The following PRKCZ variants were observed in gnomAD, a reference collection of about 807,000 sequenced individuals.
PRKCZ encodes protein kinase C zeta type.
PRKCZ carries 33 observed loss-of-function variants against 79.5 expected under a neutral mutation model. The observed-to-expected ratio is 0.41, with a 90% CI of 0.31 to 0.55. The LOEUF is 0.55. Among genes scored for constraint, PRKCZ ranks in the 20% least tolerant of loss-of-function variants. The pLI, the probability that PRKCZ is intolerant of heterozygous loss-of-function variation, is 0.19. For missense variants in PRKCZ, 578 were observed against 813.5 expected, an observed-to-expected ratio of 0.71 and a Z score of 3.52; for synonymous variants, 342 against 320.9, an observed-to-expected ratio of 1.07 and a Z score of -0.70.
intron 4 of PRKCZ, among the ~76,000 whole-genome samples, chr1:2,092,035 C>T: frequency 6.6e-6 from 1 of 151,744 alleles, no homozygotes; most frequent in East Asian, 1.9e-4. Flanking sequence ...TCCCCAGGAG[C>T]CGGTGGACGA....
intron 9 of PRKCZ, among the ~76,000 whole-genome samples, 191 bp from the exon 10 acceptor site, chr1:2,155,798 ATGGTGG>A (rs1366300864): frequency 6.6e-6 from 1 of 151,414 alleles, no homozygotes; most frequent in African/African-American, 2.4e-5. Context: ...AATGATGATG[ATGGTGG>A]TGGTGGTGGT....
intron 16 of PRKCZ, chr1:2,181,949 C>T (rs1470160066): frequency 2.3e-6 from 1 of 436,442 alleles, no homozygotes; most frequent in Non-Finnish European, 4.7e-6. Flanking sequence ...AGCCCCGGCC[C>T]CTCCCTCCGG....
At chr1:2,140,479 A>G (rs1230540282) in intron 5 of PRKCZ, among the ~76,000 whole-genome samples, 1 of 151,248 alleles carries the variant, frequency 6.6e-6, no homozygotes, top group Non-Finnish European at 1.5e-5. Flanking sequence ...ATAGTGAAAC[A>G]CTGTCTCTAC....
chr1:2,114,959 A>G (rs1000416973), intron 4 of PRKCZ, among the ~76,000 whole-genome samples: 1 of 152,248 alleles, frequency 6.6e-6, no homozygotes. Flanking sequence ...TGAAGCGTTC[A>G]ACTCCACGAG....
At chr1:2,074,263 C>T in intron 4 of PRKCZ, 1 of 1,550,460 alleles carries the variant, frequency 6.4e-7, no homozygotes, top group Non-Finnish European at 8.7e-7. Flanking sequence ...CATGCTCACC[C>T]CGAGGACGGA....
chr1:2,112,567 C>T (rs1378694479), intron 4 of PRKCZ, among the ~76,000 whole-genome samples: 2 of 152,166 alleles, frequency 1.3e-5, no homozygotes, highest in African/African-American at 4.8e-5. Context: ...GGACCCCACA[C>T]GTTTCCTCCT....
In PRKCZ at chr1:2,172,070, G is replaced by A. The variant is rs763398622; in HGVS notation, c.1077G>A (p.Glu359=). ...CCACCCCCAGGTTCTACGCGGCCGA[G>A]ATCTGCATCGCCCTCAACTTCCTGC... is the stretch of plus-strand genomic sequence containing the variant. The part of the protein sequence containing the change: ...PEEHARFYAA[E]ICIALNFLHE... Residue 359 remains glutamate, a synonymous_variant, in exon 12 of 18, where the codon GAG becomes GAA. Coordinates refer to ENST00000378567, the MANE Select transcript of PRKCZ (RefSeq NM_002744.6). The surrounding 1 kb of genome is among the most constrained non-coding windows in gnomAD (Gnocchi z 7.8). 216 of 1,610,710 alleles carry A rather than the reference G, an allele frequency of 1.3e-4. No individual in the cohort carries two copies. Among genetic ancestry groups the A allele is most frequent in the Non-Finnish European group, 1.8e-4 (214 of 1,178,488 alleles).
intron 9 of PRKCZ, among the ~76,000 whole-genome samples, chr1:2,152,320 G>A (rs1456344366): frequency 1.3e-5 from 2 of 152,094 alleles, no homozygotes; most frequent in Admixed American, 6.5e-5. Context: ...ATTACCTGAG[G>A]TCAGGAGTTC....
intron 5 of PRKCZ, among the ~76,000 whole-genome samples, chr1:2,140,428 G>A (rs1364369668): frequency 6.6e-6 from 1 of 151,754 alleles, no homozygotes; most frequent in Non-Finnish European, 1.5e-5. Context: ...CGAGGCAGGC[G>A]GAGTGCCTGA....
chr1:2,121,548 G>C lies in PRKCZ; in HGVS notation c.335-13714G>C, dbSNP rs1407653362. On this transcript the variant is annotated intron_variant, in intron 4 of 17. Coordinates refer to ENST00000378567, the MANE Select transcript of PRKCZ (RefSeq NM_002744.6). ...CATGGCAGTAGTTAGGGTTATATCA[G>C]TAGTTAGGGCTATGGCTGTAGTTAG... 1.5e-5 allele frequency among the ~76,000 whole-genome samples: 2 copies of C among 135,472 alleles called. 1 individual carries two copies. The allele number at this position is 135,472 out of a possible 152,430, so 88.9% of individuals were successfully genotyped here.
chr1:2,115,180 G>C (rs1341975279), intron 4 of PRKCZ, among the ~76,000 whole-genome samples: 1 of 152,248 alleles, frequency 6.6e-6, no homozygotes, highest in African/African-American at 2.4e-5. Flanking sequence ...TCGGGCCCCT[G>C]TGTGGGGCTT....
At chr1:2,100,482 C>T (rs555641205) in intron 4 of PRKCZ, among the ~76,000 whole-genome samples, 11 of 152,330 alleles carry the variant, frequency 7.2e-5, no homozygotes, top group South Asian at 4.1e-4. Flanking sequence ...GTCCTCTCCC[C>T]GGACGATCTC....
intron 4 of PRKCZ, among the ~76,000 whole-genome samples, chr1:2,114,638 G>T (rs773034809): frequency 6.6e-6 from 1 of 152,174 alleles, no homozygotes; most frequent in Non-Finnish European, 1.5e-5. Context: ...GCCGAGTGTG[G>T]TGGTGGACAC....
At chr1:2,170,281 C>T (rs561536570) in intron 11 of PRKCZ, among the ~76,000 whole-genome samples, 5 of 152,258 alleles carry the variant, frequency 3.3e-5, no homozygotes, top group African/African-American at 7.2e-5. Flanking sequence ...GAGCCTCCCC[C>T]GGCAGCCGCG....
intron 10 of PRKCZ, among the ~76,000 whole-genome samples, chr1:2,159,415 G>T (rs528880055): frequency 1.8e-4 from 27 of 152,348 alleles, no homozygotes; most frequent in Admixed American, 9.1e-4. Flanking sequence ...TTTTGCGTGG[G>T]CCCCTTGCTG....
intron 11 of PRKCZ, among the ~76,000 whole-genome samples, chr1:2,170,723 G>A (rs1294963218): frequency 6.6e-6 from 1 of 152,216 alleles, no homozygotes; most frequent in Non-Finnish European, 1.5e-5. Flanking sequence ...GGACTCTAGG[G>A]ACCTCATCGG....
At chr1:2,059,632 G>A (rs751051775) in intron 4 of PRKCZ, 41 bp downstream of exon 4, 1 of 1,610,768 alleles carries the variant, frequency 6.2e-7, no homozygotes, top group South Asian at 1.1e-5. Flanking sequence ...GCATGTTACG[G>A]GGTTGAACTG....
At chr1:2,065,142 G>A (rs765705416) in intron 4 of PRKCZ, among the ~76,000 whole-genome samples, 2 of 152,130 alleles carry the variant, frequency 1.3e-5, no homozygotes, top group South Asian at 2.1e-4. Flanking sequence ...TCCCTTTTGC[G>A]TTGTTTATTG....
At chr1:2,154,076 C>T (rs1004479335) in intron 9 of PRKCZ, among the ~76,000 whole-genome samples, 5 of 152,166 alleles carry the variant, frequency 3.3e-5, no homozygotes, top group African/African-American at 4.8e-5. Flanking sequence ...ATGCCAACGC[C>T]GACGTCCCTG....
Sources: gnomAD v4.1 joint callset for allele counts (sites outside exome capture counted in the v4.1 genomes callset) on GRCh38, gnomAD v4.1.1 for gene constraint, Gnocchi (gnomAD v3.1) non-coding constraint, MANE v1.5 for transcripts, NCBI Gene and HGNC (gene_info 2026-07-23, HGNC 2026-07-21) for gene names.